The following C6orf62 variants were observed in gnomAD, a reference collection of about 807,000 sequenced individuals.
C6orf62 encodes the protein chromosome 6 open reading frame 62.
Under a neutral mutation model 26.8 loss-of-function variants are expected in C6orf62, and 16 were observed. The observed-to-expected ratio is 0.60, with a 90% CI of 0.40 to 0.91. The LOEUF (loss-of-function observed/expected upper bound fraction) is 0.91, where lower values mean the gene tolerates loss of function less well. Among genes scored for constraint, C6orf62 ranks in the 40% least tolerant of loss-of-function variants. The probability of loss-of-function intolerance (pLI) is 0.00; values close to 1 mark genes in which losing one functional copy is unlikely to be tolerated. For synonymous variants in C6orf62, 112 were observed against 91.5 expected (o/e 1.22, Z -1.28); for missense variants, 192 against 271.4 (o/e 0.71, Z 2.06).
Position 24,708,865 on chromosome 6 carries a change from T to G in C6orf62, c.476A>C (p.His159Pro). ...AGTCTTGTCCTTGCGGCTCAGTACATGCAGAAACTGTTTTTCATAGTCACC... is the reference window on the plus strand; with the variant it reads ...AGTCTTGTCCTTGCGGCTCAGTACAGGCAGAAACTGTTTTTCATAGTCACC... Reference protein sequence around the residue: ...HHGDYEKQFLHVLSRKDKTGI... With the variant: ...HHGDYEKQFLPVLSRKDKTGI... The change falls in exon 4 of 5, where the codon CAT (histidine) becomes CCT (proline). Residue 159 changes from histidine (H) to proline (P), a missense_variant. By Grantham distance (77) the His-to-Pro change is moderately conservative (BLOSUM62 -2). Coordinates refer to ENST00000378119, the MANE Select transcript of C6orf62 (RefSeq NM_030939.5). The G allele has an allele frequency of 6.2e-7, 1 of 1,614,192 alleles. No individual in the cohort carries two copies. Among genetic ancestry groups the G allele is most frequent in the Non-Finnish European group, 8.5e-7 (1 of 1,180,028 alleles).
At position 24,718,532 on chromosome 6, in the gene C6orf62, T is replaced by G; in HGVS notation, c.129+8A>C. 6.3e-7 allele frequency: 1 copy of G among 1,596,882 alleles called. No homozygotes were observed. Among genetic ancestry groups the G allele is most frequent in the Non-Finnish European group, 8.5e-7 (1 of 1,169,814 alleles). ...TGTGCTAATTCACCATTAAGAACTT[T>G]AAATTACCTTCTCCTTGAATACAAA... is the stretch of plus-strand genomic sequence containing the variant. On this transcript the variant is annotated splice_region_variant and intron_variant, in intron 1 of 4. Coordinates refer to ENST00000378119, the MANE Select transcript of C6orf62 (RefSeq NM_030939.5).
chr6:24,719,109 A>G lies in C6orf62; in HGVS notation c.-441T>C, dbSNP rs529293848. 456 of 990,098 alleles carry G rather than the reference A, an allele frequency of 4.6e-4. 1 individual carries two copies. Among genetic ancestry groups the G allele is most frequent in the Middle Eastern group, 2.6e-3 (5 of 1,928 alleles). 61.3% of individuals were successfully genotyped at this position (990,098 alleles called of 1,614,324 possible). Reference sequence around the variant, plus strand: ...CATCCGGATTTTCCCCCCTTTTTAGAAAAGGGATTAAGGAACAGGGAGGGG... The same window carrying G: ...CATCCGGATTTTCCCCCCTTTTTAGGAAAGGGATTAAGGAACAGGGAGGGG... On this transcript the variant is annotated 5_prime_UTR_variant, in exon 1 of 5. Coordinates refer to ENST00000378119, the MANE Select transcript of C6orf62 (RefSeq NM_030939.5).
In C6orf62 at chr6:24,708,926, C is replaced by T; in HGVS notation, c.430-15G>A. The stretch of plus-strand genomic sequence containing the variant: ...TCAAATTTGGCCTAATTACAAAATA[C>T]AACATTTATATTAAACTACAAACAA... On this transcript the variant is annotated splice_polypyrimidine_tract_variant and intron_variant, in intron 3 of 4. Transcript: ENST00000378119. 1.2e-6 allele frequency: 2 copies of T among 1,613,892 alleles called. No individual in the cohort carries two copies. Among genetic ancestry groups the T allele is most frequent in the East Asian group, 2.2e-5 (1 of 44,872 alleles).
upstream of C6orf62, chr6:24,720,511 G>A (rs1019425016): frequency 4.3e-6 from 2 of 466,490 alleles, no homozygotes; most frequent in Non-Finnish European, 5.8e-6. Flanking sequence ...GAGAGAAAAA[G>A]AAAAAGAGGA....
intron 3 of C6orf62, among the ~76,000 whole-genome samples, chr6:24,713,193 CGAG>C (rs1408367931): frequency 6.6e-6 from 1 of 152,136 alleles, no homozygotes; most frequent in African/African-American, 2.4e-5. Context: ...CATCATAAAT[CGAG>C]GAGCACAATG....
chr6:24,720,235 T>A, upstream of C6orf62: 2 of 1,308,016 alleles, frequency 1.5e-6, no homozygotes, highest in Non-Finnish European at 1.9e-6. Flanking sequence ...AGGGCGGGGT[T>A]TGGGCCCTCT....
intron 3 of C6orf62, chr6:24,710,059 T>C: frequency 4.1e-6 from 4 of 983,292 alleles, no homozygotes; most frequent in Non-Finnish European, 4.8e-6. Flanking sequence ...TACTGAATTG[T>C]ACTTCCATAC....
At chr6:24,716,072 G>A in intron 2 of C6orf62, 76 bp downstream of exon 2, 3 of 1,263,252 alleles carry the variant, frequency 2.4e-6, no homozygotes, top group Non-Finnish European at 3.4e-6. Context: ...CCACTTTAAG[G>A]GGGGTTCGGG....
intron 1 of C6orf62, among the ~76,000 whole-genome samples, chr6:24,717,184 A>G (rs543889314): frequency 6.6e-5 from 10 of 152,268 alleles, no homozygotes; most frequent in Admixed American, 2.6e-4. Context: ...GTCCATTCAC[A>G]GAATAAAACC....
chr6:24,714,156 C>G (rs1408435696), intron 3 of C6orf62, among the ~76,000 whole-genome samples, 162 bp downstream of exon 3: 1 of 152,178 alleles, frequency 6.6e-6, no homozygotes, highest in Non-Finnish European at 1.5e-5. Flanking sequence ...ATTCTATAAT[C>G]CAAACGCTTT....
In C6orf62 at chr6:24,705,029, A is replaced by G. The variant is rs1489502629; in HGVS notation, c.*1108T>C. On this transcript the variant is annotated 3_prime_UTR_variant, in exon 5 of 5. Transcript: ENST00000378119. ...AGGATCATTCAGATTTACTCCAATA[A>G]AAGTATGCAACCCTTAAGCAAAGCT... The G allele has an allele frequency of 6.6e-6, 1 of 152,160 alleles. No homozygotes were observed. The highest frequency in any genetic ancestry group is 1.5e-5 in the Non-Finnish European group (1 of 67,930). The allele number at this position is 152,160 out of a possible 1,614,324, so 9.4% of individuals were successfully genotyped here.
intron 4 of C6orf62, among the ~76,000 whole-genome samples, chr6:24,707,984 C>T (rs1392083191): frequency 6.7e-6 from 1 of 148,676 alleles, no homozygotes; most frequent in Non-Finnish European, 1.5e-5. Flanking sequence ...GCACTCCAGC[C>T]TGGGCGACAG....
intron 3 of C6orf62, among the ~76,000 whole-genome samples, chr6:24,713,043 T>C (rs929642301): frequency 8.5e-5 from 13 of 152,354 alleles, no homozygotes; most frequent in Middle Eastern, 3.4e-3. Context: ...ATCCATTAAA[T>C]GACCGAAATA....
chr6:24,715,419 C>T (rs544659034), intron 2 of C6orf62, among the ~76,000 whole-genome samples: 1 of 152,292 alleles, frequency 6.6e-6, no homozygotes, highest in African/African-American at 2.4e-5. Flanking sequence ...AGACATTTAT[C>T]CACAATAATA....
chr6:24,706,831 C>CA (rs1779019727), intron 4 of C6orf62: 1 of 153,264 alleles, frequency 6.5e-6, no homozygotes, highest in Non-Finnish European at 1.5e-5. Context: ...AACCTGCGCC[C>CA]AGGAGGTCAA....
intron 3 of C6orf62, chr6:24,710,696 G>C: frequency 1.1e-6 from 1 of 877,230 alleles, no homozygotes. Context: ...AGTAGTAATG[G>C]TAAGTAATCT....
chr6:24,708,585 G>A (rs534046415), intron 4 of C6orf62, among the ~76,000 whole-genome samples, 192 bp downstream of exon 4: 65 of 152,212 alleles, frequency 4.3e-4, no homozygotes, highest in Non-Finnish European at 8.4e-4. Context: ...CAATATGCCC[G>A]CCTCGGCTTT....
chr6:24,716,033 C>A, intron 2 of C6orf62, 115 bp downstream of exon 2: 1 of 741,796 alleles, frequency 1.3e-6, no homozygotes, highest in Non-Finnish European at 2.3e-6. Flanking sequence ...ACAAATTTAC[C>A]TGAAGAGACT....
In C6orf62 at chr6:24,716,236, T is replaced by A. The variant is rs1326591804; in HGVS notation, c.218A>T (p.Asp73Val). 6.2e-7 allele frequency: 1 copy of A among 1,613,656 alleles called. No individual in the cohort carries two copies. Among genetic ancestry groups the A allele is most frequent in the East Asian group, 2.2e-5 (1 of 44,860 alleles). Residue 73 changes from aspartate (D) to valine (V), a missense_variant, in exon 2 of 5, where the codon GAT becomes GTT. By Grantham distance (152) the Asp-to-Val change is radical (BLOSUM62 -3). Coordinates refer to ENST00000378119, the MANE Select transcript of C6orf62 (RefSeq NM_030939.5). ...YEENILKGVRDSSYSLESSLE... is the reference protein window; with the variant it reads ...YEENILKGVRVSSYSLESSLE... ...GGAACTTTCCAAGGAATAGCTGGAATCTCGCACACCTTTCAGGATATTTTC... is the reference window on the plus strand; with the variant it reads ...GGAACTTTCCAAGGAATAGCTGGAAACTCGCACACCTTTCAGGATATTTTC...
Sources: gnomAD v4.1 joint callset for allele counts (sites outside exome capture counted in the v4.1 genomes callset) on GRCh38, gnomAD v4.1.1 for gene constraint, MANE v1.5 for transcripts, NCBI Gene and HGNC (gene_info 2026-07-23, HGNC 2026-07-21) for gene names.